The following GTF2IRD1 variants were observed in gnomAD, a reference collection of about 807,000 sequenced individuals.
GTF2IRD1 encodes the protein GTF2I repeat domain containing 1.
A neutral mutation model predicts 113.2 loss-of-function variants in GTF2IRD1; 26 were observed. The ratio of observed to expected loss-of-function variants is 0.23; its 90% CI spans 0.17 to 0.32. GTF2IRD1 has a LOEUF of 0.32. GTF2IRD1 is among the 10% of genes least tolerant of loss of function. GTF2IRD1 has a pLI of 1.00. For missense variants in GTF2IRD1, 864 were observed against 1,280.8 expected (o/e 0.67, Z 4.97); for synonymous variants, 484 against 529.1 (o/e 0.91, Z 1.17).
At chr7:74,518,812 C>T (rs1237069403) in intron 5 of GTF2IRD1, among the ~76,000 whole-genome samples, 1 of 152,018 alleles carries the variant, frequency 6.6e-6, no homozygotes, top group Non-Finnish European at 1.5e-5. Flanking sequence ...TGCTTGAGCC[C>T]AGGAGTTTGA....
At chr7:74,492,948 A>T (rs1795452870) in intron 1 of GTF2IRD1, among the ~76,000 whole-genome samples, 1 of 151,980 alleles carries the variant, frequency 6.6e-6, no homozygotes, top group South Asian at 2.1e-4. Flanking sequence ...TTTTTAAAAA[A>T]TGTTTGTAGA....
At chr7:74,477,531 CT>C (rs142304904) in intron 1 of GTF2IRD1, among the ~76,000 whole-genome samples, 2,246 of 152,078 alleles carry the variant, frequency 0.015, 44 homozygotes, top group African/African-American at 0.051. Context: ...ATCCTTCCAT[CT>C]GGGGCCAAGG....
chr7:74,537,767 A>G (rs1323515241), intron 11 of GTF2IRD1, among the ~76,000 whole-genome samples: 1 of 151,836 alleles, frequency 6.6e-6, no homozygotes, highest in African/African-American at 2.4e-5. Flanking sequence ...CAGATTTTTA[A>G]CCCTTTCCAG....
chr7:74,476,646 C>T lies in GTF2IRD1; in HGVS notation c.-7+22470C>T, dbSNP rs961721587. Among the ~76,000 whole-genome samples, 6 of 151,998 alleles carry T rather than the reference C, an allele frequency of 3.9e-5. No homozygotes were observed. The East Asian group carries it at 1.2e-3, about 29-fold the overall frequency. ...CTCCCAGATTTCATCGGTTCCCCAC[C>T]GTACTCTCCTGCCTCTAGCCTTTGC... On this transcript the variant is annotated intron_variant, in intron 1 of 26. Transcript: ENST00000424337.
chr7:74,507,943 C>A, intron 1 of GTF2IRD1, 132 bp from the exon 2 acceptor site: 1 of 966,768 alleles, frequency 1.0e-6, no homozygotes, highest in Non-Finnish European at 1.5e-6. Context: ...CCCTTGGGCC[C>A]AGGGAAGGTC....
At chr7:74,539,092 A>G (rs587690869) in intron 13 of GTF2IRD1, among the ~76,000 whole-genome samples, 1 of 152,154 alleles carries the variant, frequency 6.6e-6, no homozygotes, top group East Asian at 1.9e-4. Context: ...CTCATTTTCC[A>G]CATCTTCAGA....
intron 16 of GTF2IRD1, 23 bp downstream of exon 16, chr7:74,545,832 T>C (rs781938755): frequency 1.3e-6 from 2 of 1,577,546 alleles, no homozygotes; most frequent in Admixed American, 3.3e-5. Flanking sequence ...TGGGACAGGG[T>C]CTGGGGGCAT....
chr7:74,556,790 A>ATTTTTTTTTTTTTTTTTTTTT (rs587648610), intron 19 of GTF2IRD1, among the ~76,000 whole-genome samples: 14 of 133,004 alleles, frequency 1.1e-4, no homozygotes, highest in South Asian at 2.3e-4. Context: ...TGCCTGGCTA[A>ATTTTTTTTTTTTTTTTTTTTT]TTTTTGTATT....
chr7:74,524,688 G>A (rs1554346836), intron 8 of GTF2IRD1, among the ~76,000 whole-genome samples: 3 of 152,104 alleles, frequency 2.0e-5, no homozygotes. Flanking sequence ...CAACATGCCA[G>A]AACCCTGTCT....
Position 74,511,502 on chromosome 7 carries a change from G to A in GTF2IRD1, c.124-1328G>A, listed in dbSNP as rs565998423. Among the ~76,000 whole-genome samples, 89 of 152,382 alleles carry A rather than the reference G, an allele frequency of 5.8e-4. 1 individual carries two copies. The highest frequency in any genetic ancestry group is 1.6e-3 in the African/African-American group (65 of 41,604). On this transcript the variant is annotated intron_variant, in intron 2 of 26. Coordinates refer to ENST00000424337, the MANE Select transcript of GTF2IRD1 (RefSeq NM_005685.4). ...TTTGTTAATAGTCTACAGTGTTCCCGCGCAGAAAGGGAACAGCAAGCTTTT... is the reference window on the plus strand; with the variant it reads ...TTTGTTAATAGTCTACAGTGTTCCCACGCAGAAAGGGAACAGCAAGCTTTT...
intron 26 of GTF2IRD1, 124 bp from the exon 27 acceptor site, chr7:74,602,241 C>G: frequency 8.2e-7 from 1 of 1,213,388 alleles, no homozygotes; most frequent in Non-Finnish European, 1.1e-6. Flanking sequence ...AACTCCATCT[C>G]AAAAAAATAA....
chr7:74,476,366 C>CTTTTTTTTTTTTTTTTTTTTTTTT (rs61151844), intron 1 of GTF2IRD1, among the ~76,000 whole-genome samples: 2 of 122,160 alleles, frequency 1.6e-5, no homozygotes, highest in African/African-American at 3.3e-5. Flanking sequence ...TCTGAACCTC[C>CTTTTTTTTTTTTTTTTTTTTTTTT]TTTTTTTTTT....
intron 22 of GTF2IRD1, among the ~76,000 whole-genome samples, chr7:74,586,606 G>A (rs1801732264): frequency 6.6e-6 from 1 of 152,166 alleles, no homozygotes; most frequent in African/African-American, 2.4e-5. Context: ...GGTGGTGGGT[G>A]TTGGAGCCCT....
At chr7:74,511,522 G>A (rs1442195697) in intron 2 of GTF2IRD1, among the ~76,000 whole-genome samples, 1 of 152,220 alleles carries the variant, frequency 6.6e-6, no homozygotes, top group African/African-American at 2.4e-5. Flanking sequence ...GGAACAGCAA[G>A]CTTTTGTTTT....
At position 74,490,370 on chromosome 7, in the gene GTF2IRD1, C is replaced by T. The variant is rs372979576; in HGVS notation, c.-6-17705C>T. 4.4e-4 allele frequency among the ~76,000 whole-genome samples: 67 copies of T among 152,108 alleles called. 1 individual carries two copies. The South Asian group carries it at 0.012, about 26-fold the overall frequency. On this transcript the variant is annotated intron_variant, in intron 1 of 26. Transcript: ENST00000424337. ...GCCCAGAGCCTGGCCTGAGCAGATA[C>T]GAATGGAAGGCCAGGGCTGTGACTG...
intron 1 of GTF2IRD1, among the ~76,000 whole-genome samples, chr7:74,505,181 G>A (rs573360475): frequency 2.0e-5 from 3 of 152,152 alleles, no homozygotes; most frequent in East Asian, 3.9e-4. Flanking sequence ...CACCGCACCC[G>A]GCCTCTGCCT....
chr7:74,515,643 GCCTC>G, intron 4 of GTF2IRD1, 47 bp downstream of exon 4: 1 of 1,556,234 alleles, frequency 6.4e-7, no homozygotes, highest in Non-Finnish European at 8.7e-7. Context: ...GAGGGTGGGA[GCCTC>G]GGTCCCCACC....
At chr7:74,510,419 G>A (rs1016752480) in intron 2 of GTF2IRD1, among the ~76,000 whole-genome samples, 2 of 150,962 alleles carry the variant, frequency 1.3e-5, no homozygotes, top group African/African-American at 2.4e-5. Context: ...TGATTCTCCT[G>A]CCTCAGCCTC....
At chr7:74,518,348 T>TGGGCTG (rs782691927) in intron 5 of GTF2IRD1, 26 bp downstream of exon 5, 2 of 1,550,272 alleles carry the variant, frequency 1.3e-6, no homozygotes, top group Non-Finnish European at 1.8e-6. Flanking sequence ...GGCCCGGGGC[T>TGGGCTG]GGGCTGGGGC....
Sources: allele counts gnomAD v4.1 joint callset (sites outside exome capture counted in the v4.1 genomes callset), GRCh38; gene constraint gnomAD v4.1.1; transcripts MANE v1.5; gene names NCBI Gene and HGNC (gene_info 2026-07-23, HGNC 2026-07-21).